The following PTPRD variants were observed in gnomAD, a reference collection of about 807,000 sequenced individuals.
PTPRD encodes protein tyrosine phosphatase receptor type D, also known as receptor-type tyrosine-protein phosphatase delta.
In PTPRD, 34 loss-of-function variants were observed where a neutral mutation model predicts 214.5. The observed-to-expected ratio is 0.16, with a 90% confidence interval of 0.12 to 0.21. The LOEUF is 0.21. Among genes scored for constraint, PTPRD ranks in the 10% least tolerant of loss-of-function variants. PTPRD has a pLI of 1.00. For missense variants in PTPRD, 2,545 were observed against 2,398.7 expected (o/e 1.06, Z -1.27); for synonymous variants, 1,128 against 845.7 (o/e 1.33, Z -5.79).
intron 8 of PTPRD, among the ~76,000 whole-genome samples, chr9:9,525,653 T>C (rs536531295): frequency 1.3e-5 from 2 of 152,150 alleles, no homozygotes; most frequent in Admixed American, 1.3e-4. Context: ...GTTAATCTGT[T>C]CAGGAATCTA....
chr9:8,379,332 T>G (rs971621053), intron 37 of PTPRD, among the ~76,000 whole-genome samples: 1 of 152,122 alleles, frequency 6.6e-6, no homozygotes. Context: ...CCTTTGCTGG[T>G]AAGCACCTCA....
At chr9:8,854,638 G>C (rs751514055) in intron 11 of PTPRD, among the ~76,000 whole-genome samples, 1 of 152,112 alleles carries the variant, frequency 6.6e-6, no homozygotes, top group Non-Finnish European at 1.5e-5. Flanking sequence ...GCCATGGCTG[G>C]TCGATTTCAA....
At chr9:10,032,620 A>G (rs1361276153) in intron 4 of PTPRD, among the ~76,000 whole-genome samples, 3 of 152,178 alleles carry the variant, frequency 2.0e-5, no homozygotes, top group Admixed American at 6.5e-5. Context: ...GTAAAAACAC[A>G]CTTGCTACCT....
chr9:8,319,267 C>T (rs1407777383), intron 45 of PTPRD, among the ~76,000 whole-genome samples: 1 of 152,066 alleles, frequency 6.6e-6, no homozygotes, highest in Non-Finnish European at 1.5e-5. Context: ...ATAGACCAGA[C>T]TGGCTATATC....
At chr9:8,810,021 A>T (rs995690091) in intron 11 of PTPRD, among the ~76,000 whole-genome samples, 5 of 152,308 alleles carry the variant, frequency 3.3e-5, no homozygotes, top group Admixed American at 3.3e-4. Context: ...CCAATTCATC[A>T]GTCCTCTGGG....
intron 12 of PTPRD, chr9:8,701,625 G>C (rs1052099865): frequency 6.6e-6 from 1 of 152,374 alleles, no homozygotes; most frequent in African/African-American, 2.4e-5. Context: ...CAACAAGCGT[G>C]AAACTCCGTC....
chr9:10,100,324 A>T (rs1439800525), intron 3 of PTPRD, among the ~76,000 whole-genome samples: 1 of 151,704 alleles, frequency 6.6e-6, no homozygotes, highest in Non-Finnish European at 1.5e-5. Context: ...CAATCTATAG[A>T]GAAAATTTAA....
chr9:9,322,406 G>C (rs1966883925), intron 9 of PTPRD, among the ~76,000 whole-genome samples: 1 of 152,130 alleles, frequency 6.6e-6, no homozygotes, highest in African/African-American at 2.4e-5. Context: ...GAACGCTAAA[G>C]TCCAGAGAGT....
chr9:9,920,920 T>C (rs2082372774), intron 5 of PTPRD, among the ~76,000 whole-genome samples: 1 of 152,114 alleles, frequency 6.6e-6, no homozygotes. Context: ...CAGTGATTGC[T>C]CTATTAATCT....
At chr9:8,465,420 T>C (rs750835685) in intron 32 of PTPRD, 46 bp downstream of exon 32, 8 of 1,543,240 alleles carry the variant, frequency 5.2e-6, no homozygotes, top group African/African-American at 1.4e-5. Context: ...CCAGTGAAAA[T>C]GTATAAGCGT....
intron 10 of PTPRD, among the ~76,000 whole-genome samples, chr9:9,157,919 G>A (rs1282817432): frequency 2.0e-5 from 3 of 152,094 alleles, no homozygotes; most frequent in African/African-American, 4.8e-5. Context: ...CCCACTGTGT[G>A]TTCATGTGTT....
intron 3 of PTPRD, among the ~76,000 whole-genome samples, chr9:10,332,840 C>A (rs1184415607): frequency 6.6e-6 from 1 of 151,702 alleles, no homozygotes; most frequent in Non-Finnish European, 1.5e-5. Flanking sequence ...CGCTTTGTCC[C>A]GAATCTCTAA....
At chr9:10,338,270 C>T (rs1320514322) in intron 3 of PTPRD, among the ~76,000 whole-genome samples, 1 of 151,518 alleles carries the variant, frequency 6.6e-6, no homozygotes, top group Admixed American at 6.6e-5. Flanking sequence ...CCTGCACAGC[C>T]TCACCTTTTC....
At chr9:10,145,954 GTTAA>G (rs1198339060) in intron 3 of PTPRD, among the ~76,000 whole-genome samples, 1 of 140,754 alleles carries the variant, frequency 7.1e-6, no homozygotes, top group Non-Finnish European at 1.5e-5. Flanking sequence ...TTTATAAACA[GTTAA>G]TTAAGATAAA....
At chr9:9,768,978 G>A (rs1019776902) in intron 5 of PTPRD, among the ~76,000 whole-genome samples, 14 of 152,104 alleles carry the variant, frequency 9.2e-5, no homozygotes, top group Non-Finnish European at 1.9e-4. Context: ...TTTTCTGATA[G>A]GCACATACAC....
At chr9:8,422,844 T>C (rs141447512) in intron 35 of PTPRD, among the ~76,000 whole-genome samples, 42 of 152,288 alleles carry the variant, frequency 2.8e-4, no homozygotes, top group Non-Finnish European at 5.9e-4. Context: ...AGGAGGTCAA[T>C]TAATTACTGG....
chr9:9,485,084 T>G (rs891093959), intron 8 of PTPRD, among the ~76,000 whole-genome samples: 8 of 152,330 alleles, frequency 5.3e-5, no homozygotes, highest in Middle Eastern at 6.8e-3. Context: ...TTGCAGTTTT[T>G]GAAAGATCAA....
In PTPRD at chr9:10,012,247, T is replaced by A. The variant is rs562637262; in HGVS notation, c.-472+21471A>T. Among the ~76,000 whole-genome samples the A allele has an allele frequency of 8.0e-4, 122 of 151,728 alleles. 1 individual carries two copies. The highest frequency in any genetic ancestry group is 1.2e-3 in the Non-Finnish European group (83 of 67,860). ...AGGGATAATCATCTATATGACCAAA[T>A]TGAAATGAGGTTTTAATCACAAGAT... On this transcript the variant is annotated intron_variant, in intron 4 of 45. Coordinates refer to ENST00000381196, the MANE Select transcript of PTPRD (RefSeq NM_002839.4).
At chr9:8,590,130 T>C (rs2093987935) in intron 14 of PTPRD, among the ~76,000 whole-genome samples, 1 of 152,074 alleles carries the variant, frequency 6.6e-6, no homozygotes, top group African/African-American at 2.4e-5. Flanking sequence ...AGTACAGTCA[T>C]AATATGAGCT....
Sources: allele counts gnomAD v4.1 joint callset (sites outside exome capture counted in the v4.1 genomes callset), GRCh38; gene constraint gnomAD v4.1.1; transcripts MANE v1.5; gene names NCBI Gene and HGNC (gene_info 2026-07-23, HGNC 2026-07-21).